The following DDX18 variants were observed in gnomAD, a reference collection of about 807,000 sequenced individuals.
DDX18 encodes ATP-dependent RNA helicase DDX18.
In DDX18, 23 loss-of-function variants were observed where a neutral mutation model predicts 73.5. The observed-to-expected ratio is 0.31, with a 90% confidence interval of 0.23 to 0.44. The LOEUF (loss-of-function observed/expected upper bound fraction) is 0.44, where lower values mean the gene tolerates loss of function less well. DDX18 is among the 20% of genes least tolerant of loss of function. DDX18 has a pLI of 1.00. For missense variants in DDX18, 753 were observed against 792.9 expected, an observed-to-expected ratio of 0.95 and a Z score of 0.60; for synonymous variants, 268 against 282.7, an observed-to-expected ratio of 0.95 and a Z score of 0.52.
At chr2:117,816,807 C>T (rs1383521146) in intron 1 of DDX18, among the ~76,000 whole-genome samples, 3 of 152,214 alleles carry the variant, frequency 2.0e-5, no homozygotes, top group South Asian at 4.1e-4. Context: ...TGTTGCACTA[C>T]GACATTGCAG....
chr2:117,826,255 T>C lies in DDX18; in HGVS notation c.1522-14T>C. On this transcript the variant is annotated splice_polypyrimidine_tract_variant and intron_variant, in intron 10 of 13. Transcript: ENST00000263239. ...AGTCACTGCGTTAACTCAGATTTTC[T>C]TTCTCCACCAAAGGAATATATTCAT... 6.2e-7 allele frequency: 1 copy of C among 1,609,988 alleles called. No individual in the cohort carries two copies. Among genetic ancestry groups the C allele is most frequent in the Non-Finnish European group, 8.5e-7 (1 of 1,177,470 alleles).
intron 2 of DDX18, among the ~76,000 whole-genome samples, chr2:117,818,792 G>A (rs1679800619): frequency 2.0e-5 from 3 of 152,136 alleles, no homozygotes; most frequent in African/African-American, 7.2e-5. Context: ...AAAGTGCTGG[G>A]ATTACAGGCA....
At chr2:117,816,054 T>G (rs1231429610) in intron 1 of DDX18, among the ~76,000 whole-genome samples, 1 of 152,162 alleles carries the variant, frequency 6.6e-6, no homozygotes, top group Non-Finnish European at 1.5e-5. Context: ...AAAGGTACAG[T>G]AAAAAGACTA....
chr2:117,820,647 C>T (rs1020387765), intron 3 of DDX18, among the ~76,000 whole-genome samples: 1 of 152,214 alleles, frequency 6.6e-6, no homozygotes, highest in Non-Finnish European at 1.5e-5. Context: ...GGGGAACCCC[C>T]AGGTGATTTT....
chr2:117,823,505 G>A (rs1679878866), intron 7 of DDX18, among the ~76,000 whole-genome samples: 2 of 151,920 alleles, frequency 1.3e-5, no homozygotes, highest in South Asian at 2.1e-4. Flanking sequence ...ATTTTATATT[G>A]ATCTTGTATC....
At chr2:117,815,870 T>C (rs929281073) in intron 1 of DDX18, 40 of 152,188 alleles carry the variant, frequency 2.6e-4, no homozygotes, top group African/African-American at 9.4e-4. Flanking sequence ...GGGGCTTTTG[T>C]CGTTTTGCGA....
Position 117,817,491 on chromosome 2 carries a change from G to A in DDX18, c.133G>A (p.Glu45Lys). 1.2e-6 allele frequency: 2 copies of A among 1,612,774 alleles called. No individual in the cohort carries two copies. The highest frequency in any genetic ancestry group is 1.7e-6 in the Non-Finnish European group (2 of 1,179,780). ...LSETQNGDVS[E>K]ETMGSRKVKK... ...GGAAACTCAAAATGGAGATGTATCT[G>A]AAGAAACAATGGGAAGTAGAAAGGT... Residue 45 changes from glutamate (E) to lysine (K), a missense_variant, in exon 2 of 14, where the codon GAA becomes AAA. Glu to Lys is a moderately conservative substitution (Grantham distance 56, BLOSUM62 1). This residue lies in a region of DDX18 where 345 missense variants were observed against 352.0 expected (regional missense o/e 0.98). Coordinates refer to ENST00000263239, the MANE Select transcript of DDX18 (RefSeq NM_006773.4).
intron 7 of DDX18, chr2:117,824,364 G>A (rs1679890489): frequency 2.5e-6 from 1 of 403,474 alleles, no homozygotes; most frequent in Non-Finnish European, 4.2e-6. Flanking sequence ...GTCTTCAAAG[G>A]AGTTTGTCCA....
rs372306815 is a variant in DDX18 at position 117,829,946 on chromosome 2, A to T, written c.1870+480A>T. 1.1e-3 allele frequency among the ~76,000 whole-genome samples: 175 copies of T among 152,300 alleles called. 1 individual carries two copies. The highest frequency in any genetic ancestry group is 4.0e-3 in the African/African-American group (166 of 41,570). On this transcript the variant is annotated intron_variant, in intron 13 of 13. Coordinates refer to ENST00000263239, the MANE Select transcript of DDX18 (RefSeq NM_006773.4). ...TGGCAAGTTCAGCAAAAGAAAATAA[A>T]ACTTAGGTGTTGCTTAAGATAAAAG...
At chr2:117,815,346 A>G (rs1239498818) in intron 1 of DDX18, among the ~76,000 whole-genome samples, 5 of 152,044 alleles carry the variant, frequency 3.3e-5, no homozygotes, top group Non-Finnish European at 4.4e-5. Context: ...TCCTCTACCC[A>G]CTTCCACACG....
chr2:117,821,346 TA>T (rs1425520248), intron 4 of DDX18, 50 bp downstream of exon 4: 2 of 1,566,842 alleles, frequency 1.3e-6, no homozygotes, highest in Middle Eastern at 1.7e-4. Flanking sequence ...TTAGAACTAG[TA>T]GATGATAAAG....
chr2:117,829,592 G>A, intron 13 of DDX18, 126 bp downstream of exon 13: 1 of 906,502 alleles, frequency 1.1e-6, no homozygotes, highest in Non-Finnish European at 1.7e-6. Flanking sequence ...TGTTCACCCT[G>A]GTCGATGTCT....
intron 10 of DDX18, chr2:117,826,002 A>G: frequency 2.6e-6 from 1 of 386,986 alleles, no homozygotes; most frequent in South Asian, 6.7e-5. Context: ...TCATTTTATT[A>G]GATCGCTGTT....
Position 117,822,233 on chromosome 2 carries a change from A to G in DDX18, c.1038A>G (p.Glu346=). Residue 346 remains glutamate, a synonymous_variant, in exon 7 of 14, where the codon GAA becomes GAG. Coordinates refer to ENST00000263239, the MANE Select transcript of DDX18 (RefSeq NM_006773.4). ...DRILDVGFEE[E]LKQIIKLLPT... is the part of the protein sequence containing the mutation. ...TCTTGGATGTGGGGTTTGAAGAGGAATTAAAGCAAATTATTAAACTTTTGC... is the reference window on the plus strand; with the variant it reads ...TCTTGGATGTGGGGTTTGAAGAGGAGTTAAAGCAAATTATTAAACTTTTGC... 6.2e-7 allele frequency: 1 copy of G among 1,613,240 alleles called. No homozygotes were observed.
Position 117,821,962 on chromosome 2 carries a change from G to T in DDX18, c.852G>T (p.Leu284Phe). ...CTCACCACGTGCATACCTATGGCTT[G>T]ATAATGGGTGGCAGTAACAGATCTG... The part of the protein sequence containing the change: ...LMTHHVHTYG[L>F]IMGGSNRSAE... Residue 284 changes from leucine to phenylalanine, a missense_variant, in exon 6 of 14, where the codon TTG becomes TTT. Physicochemically the swap from Leu to Phe is conservative, Grantham distance 22 (BLOSUM62 0). This residue lies in a region of DDX18 where 345 missense variants were observed against 352.0 expected (regional missense o/e 0.98). Coordinates refer to ENST00000263239, the MANE Select transcript of DDX18 (RefSeq NM_006773.4). The T allele has an allele frequency of 6.2e-7, 1 of 1,614,066 alleles. No individual in the cohort carries two copies. Among genetic ancestry groups the T allele is most frequent in the Non-Finnish European group, 8.5e-7 (1 of 1,179,968 alleles).
In DDX18 at chr2:117,830,711, A is replaced by T. The variant is rs1299081515; in HGVS notation, c.2000A>T (p.Gln667Leu). Reference sequence around the variant, plus strand: ...AGCAAGAAATCATCTGACAGCAGGCAGTTCTCTCACTGAACACATGCCTTC... The same window carrying T: ...AGCAAGAAATCATCTGACAGCAGGCTGTTCTCTCACTGAACACATGCCTTC... Reference protein sequence around the residue: ...HISKKSSDSRQFSH With the variant: ...HISKKSSDSRLFSH The change falls in exon 14 of 14, where the codon CAG becomes CTG. Residue 667 changes from glutamine (Q) to leucine (L), a missense_variant. Physicochemically the swap from Gln to Leu is moderately radical, Grantham distance 113 (BLOSUM62 -2). Around this residue, in one of 3 missense-constraint regions of DDX18, gnomAD observed 402 missense variants for 419.4 expected, o/e 0.96. Transcript: ENST00000263239. 8.7e-6 allele frequency: 14 copies of T among 1,613,602 alleles called. No homozygotes were observed. The highest frequency in any genetic ancestry group is 1.2e-5 in the Non-Finnish European group (14 of 1,179,724).
Position 117,830,485 on chromosome 2 carries a change from A to T in DDX18, c.1871-97A>T. 4.4e-6 allele frequency: 6 copies of T among 1,366,658 alleles called. 1 individual carries two copies. In the South Asian group the frequency reaches 5.9e-5, roughly 13 times the overall value. The allele number at this position is 1,366,658 out of a possible 1,614,324, so 84.7% of individuals were successfully genotyped here. ...TTCATTGTTGAGAATGGGGTTGTGG[A>T]GGAACAGTAGTGTTCATGCCGGTTT... On this transcript the variant is annotated intron_variant, in intron 13 of 13. Coordinates refer to ENST00000263239, the MANE Select transcript of DDX18 (RefSeq NM_006773.4).
chr2:117,829,484 G>C lies in DDX18; in HGVS notation c.1870+18G>C, dbSNP rs1486987597. 1.3e-6 allele frequency: 2 copies of C among 1,599,008 alleles called. No individual in the cohort carries two copies. The highest frequency in any genetic ancestry group is 2.3e-5 in the South Asian group (2 of 88,276). ...TGATCTGAGTATCCTTTTCTTTAAT[G>C]AAGTTATCCTGTGACTAAGGAACAA... On this transcript the variant is annotated intron_variant, in intron 13 of 13. Transcript: ENST00000263239.
intron 7 of DDX18, among the ~76,000 whole-genome samples, chr2:117,823,257 A>G (rs1235677044): frequency 6.6e-6 from 1 of 152,196 alleles, no homozygotes; most frequent in Non-Finnish European, 1.5e-5. Context: ...TTTATTGAAT[A>G]GAGATTATTG....
Sources: allele counts gnomAD v4.1 joint callset (sites outside exome capture counted in the v4.1 genomes callset), GRCh38; gene constraint gnomAD v4.1.1; regional missense constraint gnomAD v4.1.1; transcripts MANE v1.5; gene names NCBI Gene and HGNC (gene_info 2026-07-23, HGNC 2026-07-21).